TBC1D1: variants seen among roughly 807,000 people sequenced by gnomAD.
TBC1D1 encodes TBC1 (tre-2/USP6, BUB2, cdc16) domain family, member 1.
In TBC1D1, 89 loss-of-function variants were observed where a neutral mutation model predicts 125.6. The observed-to-expected ratio is 0.71, with a 90% CI of 0.60 to 0.85. The LOEUF (loss-of-function observed/expected upper bound fraction) is 0.85. Among genes scored for constraint, TBC1D1 ranks in the 40% least tolerant of loss-of-function variants. The probability of loss-of-function intolerance (pLI) is 0.00; values close to 1 mark genes in which losing one functional copy is unlikely to be tolerated. For missense variants in TBC1D1, 1,377 were observed against 1,469.2 expected (o/e 0.94, Z 1.03); for synonymous variants, 565 against 564.1 (o/e 1.00, Z -0.02).
At chr4:38,010,060 G>T (rs1004044275) in intron 2 of TBC1D1, among the ~76,000 whole-genome samples, 1 of 152,204 alleles carries the variant, frequency 6.6e-6, no homozygotes, top group Admixed American at 6.5e-5. Context: ...CAGTGTATTT[G>T]CCCAAAAAGG....
intron 12 of TBC1D1, among the ~76,000 whole-genome samples, chr4:38,078,802 T>C (rs1756040995): frequency 6.6e-6 from 1 of 152,196 alleles, no homozygotes. Flanking sequence ...CAGCCCGAGC[T>C]CCATTCTCCA....
At chr4:38,035,018 G>C (rs1746935989) in intron 7 of TBC1D1, among the ~76,000 whole-genome samples, 1 of 152,192 alleles carries the variant, frequency 6.6e-6, no homozygotes, top group South Asian at 2.1e-4. Context: ...TTCTGGTCCA[G>C]TGTGCTGTGC....
chr4:37,952,044 C>T (rs898691419), intron 2 of TBC1D1: 6 of 717,454 alleles, frequency 8.4e-6, no homozygotes, highest in Admixed American at 4.0e-5. Flanking sequence ...AAAGAGCTGC[C>T]GGAGAAGGTG....
intron 2 of TBC1D1, among the ~76,000 whole-genome samples, chr4:37,974,176 T>C (rs977092864): frequency 5.3e-5 from 8 of 152,320 alleles, no homozygotes; most frequent in African/African-American, 1.9e-4. Context: ...AGTGAGAGAA[T>C]AGTACTTCCC....
At chr4:38,017,348 G>C (rs1742975058) in intron 3 of TBC1D1, among the ~76,000 whole-genome samples, 1 of 152,182 alleles carries the variant, frequency 6.6e-6, no homozygotes, top group Non-Finnish European at 1.5e-5. Context: ...GAAAGATGTT[G>C]CATGTTAAAA....
At chr4:38,007,496 A>G (rs775230030) in intron 2 of TBC1D1, among the ~76,000 whole-genome samples, 2 of 151,788 alleles carry the variant, frequency 1.3e-5, no homozygotes, top group Non-Finnish European at 1.5e-5. Context: ...CAAATGATCC[A>G]CCCACCTCAG....
intron 2 of TBC1D1, among the ~76,000 whole-genome samples, chr4:37,983,844 C>G (rs1417751514): frequency 6.6e-6 from 1 of 152,184 alleles, no homozygotes; most frequent in Non-Finnish European, 1.5e-5. Flanking sequence ...TGACGTATAT[C>G]CAGCATTATA....
At chr4:38,048,842 G>T (rs900266073) in intron 10 of TBC1D1, among the ~76,000 whole-genome samples, 1 of 152,092 alleles carries the variant, frequency 6.6e-6, no homozygotes, top group Non-Finnish European at 1.5e-5. Context: ...TTGAAAAAGC[G>T]TGCATCGTGA....
At chr4:38,073,059 A>G (rs1014491217) in intron 12 of TBC1D1, among the ~76,000 whole-genome samples, 1 of 151,900 alleles carries the variant, frequency 6.6e-6, no homozygotes, top group African/African-American at 2.4e-5. Flanking sequence ...CCTTTTGGCT[A>G]TTGTGAAGAC....
chr4:38,058,333 T>C (rs146123181), intron 12 of TBC1D1, among the ~76,000 whole-genome samples: 1 of 152,358 alleles, frequency 6.6e-6, no homozygotes, highest in East Asian at 1.9e-4. Flanking sequence ...TCCTTCCAGC[T>C]GAGAGACATC....
At chr4:38,039,104 CTTTTTTTTTTTTTTT>C (rs776941680) in intron 8 of TBC1D1, among the ~76,000 whole-genome samples, 13 of 51,584 alleles carry the variant, frequency 2.5e-4, no homozygotes, top group East Asian at 7.4e-4. Context: ...GCATCATACT[CTTTTTTTTTTTTTTT>C]TTTTTTTTTT....
chr4:38,028,314 C>T (rs1330203284), intron 7 of TBC1D1, among the ~76,000 whole-genome samples: 3 of 152,086 alleles, frequency 2.0e-5, no homozygotes, highest in Non-Finnish European at 2.9e-5. Flanking sequence ...TACAGGAGCA[C>T]GCCACCACGC....
At chr4:38,124,160 C>T (rs1764278941) in intron 17 of TBC1D1, among the ~76,000 whole-genome samples, 1 of 152,154 alleles carries the variant, frequency 6.6e-6, no homozygotes, top group African/African-American at 2.4e-5. Context: ...TAACCTGCCT[C>T]AGTTTAGTCA....
At chr4:37,904,392 T>G (rs1049656591) in intron 2 of TBC1D1, among the ~76,000 whole-genome samples, 6 of 152,248 alleles carry the variant, frequency 3.9e-5, no homozygotes, top group African/African-American at 1.4e-4. Context: ...AATTCCAGAA[T>G]GAAAATGAGA....
At chr4:38,002,641 C>T (rs371373344) in intron 2 of TBC1D1, among the ~76,000 whole-genome samples, 33 of 152,302 alleles carry the variant, frequency 2.2e-4, no homozygotes, top group South Asian at 2.1e-3. Context: ...CTTACTTTGT[C>T]CTACATAAGT....
At chr4:38,053,892 T>C (rs1437289098) in intron 11 of TBC1D1, among the ~76,000 whole-genome samples, 1 of 152,232 alleles carries the variant, frequency 6.6e-6, no homozygotes, top group African/African-American at 2.4e-5. Context: ...GCAGTTTCTC[T>C]TTATCAAAGT....
At chr4:37,971,800 T>C (rs142528868) in intron 2 of TBC1D1, among the ~76,000 whole-genome samples, 4 of 152,334 alleles carry the variant, frequency 2.6e-5, no homozygotes, top group African/African-American at 9.6e-5. Context: ...GAGTCAACAT[T>C]ATGGGTCAAC....
chr4:37,935,951 C>G (rs1724302788), intron 2 of TBC1D1, among the ~76,000 whole-genome samples: 1 of 152,164 alleles, frequency 6.6e-6, no homozygotes, highest in Non-Finnish European at 1.5e-5. Flanking sequence ...CTGGCTAACT[C>G]TAACTCACCC....
chr4:38,052,996 C>CT, intron 11 of TBC1D1, 110 bp from the exon 13 acceptor site: 1 of 780,114 alleles, frequency 1.3e-6, no homozygotes, highest in African/African-American at 1.8e-5. Flanking sequence ...ACCTAGTTTT[C>CT]TTTTCTTAGC....
Sources: gnomAD v4.1 joint callset for allele counts (sites outside exome capture counted in the v4.1 genomes callset) on GRCh38, gnomAD v4.1.1 for gene constraint, MANE v1.5 for transcripts, NCBI Gene and HGNC (gene_info 2026-07-23, HGNC 2026-07-21) for gene names.